CACNB2: variants seen among roughly 807,000 people sequenced by gnomAD.
The protein encoded by CACNB2 is voltage-dependent L-type calcium channel subunit beta-2.
Under a neutral mutation model 73.3 loss-of-function variants are expected in CACNB2, and 42 were observed. The observed-to-expected ratio is 0.57, with a 90% confidence interval of 0.45 to 0.74. The LOEUF (loss-of-function observed/expected upper bound fraction) is 0.74, where lower values mean the gene tolerates loss of function less well. Ranked by LOEUF, CACNB2 falls within the 30% of genes least tolerant of loss-of-function variation. The pLI, the probability that CACNB2 is intolerant of heterozygous loss-of-function variation, is 0.00. For synonymous variants in CACNB2, 348 were observed against 310.3 expected (o/e 1.12, Z -1.28); for missense variants, 940 against 853.0 (o/e 1.10, Z -1.27).
chr10:18,407,109 CTTTTTTTTTTTTT>C (rs71507267), intron 3 of CACNB2, among the ~76,000 whole-genome samples: 17 of 35,574 alleles, frequency 4.8e-4, no homozygotes, highest in East Asian at 8.7e-4. Flanking sequence ...GCTGTTCTGT[CTTTTTTTTTTTTT>C]TTTTTTTTTT....
rs188835526 is a variant in CACNB2 at position 18,251,480 on chromosome 10, C to G, written c.213+100505C>G. On this transcript the variant is annotated intron_variant, in intron 2 of 13. Transcript: ENST00000324631. Reference sequence around the variant, plus strand: ...CCAGGCTGGTCTTGAACTCCTGACCCCAGGTGATCCACCCACCTCGGCCTC... The same window carrying G: ...CCAGGCTGGTCTTGAACTCCTGACCGCAGGTGATCCACCCACCTCGGCCTC... 4.6e-5 allele frequency among the ~76,000 whole-genome samples: 7 copies of G among 152,088 alleles called. No individual in the cohort carries two copies. The East Asian group carries it at 1.4e-3, about 30-fold the overall frequency.
chr10:18,291,971 A>G (rs1234267553), intron 2 of CACNB2, among the ~76,000 whole-genome samples: 3 of 152,198 alleles, frequency 2.0e-5, no homozygotes, highest in Non-Finnish European at 4.4e-5. Flanking sequence ...AATATGAACT[A>G]TAAGACATGT....
intron 3 of CACNB2, among the ~76,000 whole-genome samples, chr10:18,411,424 A>G (rs1248442623): frequency 6.6e-6 from 1 of 152,162 alleles, no homozygotes; most frequent in African/African-American, 2.4e-5. Flanking sequence ...GACAACAGTA[A>G]TAGCACTTAA....
At chr10:18,476,709 C>T (rs1208242566) in intron 3 of CACNB2, among the ~76,000 whole-genome samples, 1 of 152,096 alleles carries the variant, frequency 6.6e-6, no homozygotes, top group Non-Finnish European at 1.5e-5. Flanking sequence ...GGGTTCTAAA[C>T]AGAGGTACTT....
chr10:18,263,596 C>T (rs897281360), intron 2 of CACNB2, among the ~76,000 whole-genome samples: 1 of 152,114 alleles, frequency 6.6e-6, no homozygotes, highest in Non-Finnish European at 1.5e-5. Flanking sequence ...TATACCTTTT[C>T]TTTTTAGTAT....
At chr10:18,337,287 G>A (rs11013698) in intron 2 of CACNB2, among the ~76,000 whole-genome samples, 40,795 of 151,794 alleles carry the variant, frequency 0.27, 5,747 homozygotes, top group Middle Eastern at 0.33. Context: ...GCACCACTAT[G>A]CCTGAGGTCT....
At chr10:18,317,728 T>C (rs566410587) in intron 2 of CACNB2, among the ~76,000 whole-genome samples, 9 of 152,328 alleles carry the variant, frequency 5.9e-5, no homozygotes, top group African/African-American at 1.7e-4. Context: ...TAGAATGATA[T>C]GACCCTAAGG....
chr10:18,456,163 C>T (rs1191916677), intron 3 of CACNB2, among the ~76,000 whole-genome samples: 1 of 152,160 alleles, frequency 6.6e-6, no homozygotes, highest in Non-Finnish European at 1.5e-5. Flanking sequence ...TAATGCCTCT[C>T]CCTTAAGAAA....
At chr10:18,145,429 T>C (rs1294704431) in intron 1 of CACNB2, among the ~76,000 whole-genome samples, 2 of 152,022 alleles carry the variant, frequency 1.3e-5, no homozygotes, top group Non-Finnish European at 2.9e-5. Flanking sequence ...TTTTTTCTAA[T>C]GTGACATGGG....
At chr10:18,272,615 A>G (rs1345826807) in intron 2 of CACNB2, among the ~76,000 whole-genome samples, 2 of 151,722 alleles carry the variant, frequency 1.3e-5, no homozygotes, top group Non-Finnish European at 2.9e-5. Flanking sequence ...ATGGGGGCAG[A>G]TTTTTCTCAT....
chr10:18,368,055 T>C (rs992336814), intron 2 of CACNB2, among the ~76,000 whole-genome samples: 6 of 152,166 alleles, frequency 3.9e-5, no homozygotes, highest in South Asian at 2.1e-4. Flanking sequence ...TTTTGTCATA[T>C]GGCCAGGAGG....
intron 9 of CACNB2, among the ~76,000 whole-genome samples, chr10:18,522,877 C>CAAA (rs10528720): frequency 1.3e-5 from 1 of 77,828 alleles, no homozygotes; most frequent in African/African-American, 5.4e-5. Context: ...GACTCTGTCT[C>CAAA]AAAAAAAAAA....
Position 18,540,261 on chromosome 10 carries a change from C to T in CACNB2, c.*537C>T, listed in dbSNP as rs1051222358. ...AAAGTTAGAATCTATTTTCTATGTA[C>T]TAGTACTGTGTACTGTATAGACAGT... On this transcript the variant is annotated 3_prime_UTR_variant, in exon 14 of 14. Coordinates refer to ENST00000324631, the MANE Select transcript of CACNB2 (RefSeq NM_201596.3). 5.9e-6 allele frequency: 1 copy of T among 168,790 alleles called. No homozygotes were observed. The highest frequency in any genetic ancestry group is 1.3e-5 in the Non-Finnish European group (1 of 77,332). The allele number at this position is 168,790 out of a possible 1,614,324, so 10.5% of individuals were successfully genotyped here. A position where few individuals can be genotyped will look rare whatever the true frequency, so the allele number is the denominator to read the frequency against.
chr10:18,230,324 C>A (rs1240912491), intron 2 of CACNB2, among the ~76,000 whole-genome samples: 1 of 152,196 alleles, frequency 6.6e-6, no homozygotes, highest in Non-Finnish European at 1.5e-5. Context: ...GAAGAATGAA[C>A]CCTCTCTTCT....
chr10:18,253,872 T>C (rs2037180701), intron 2 of CACNB2, among the ~76,000 whole-genome samples: 1 of 152,214 alleles, frequency 6.6e-6, no homozygotes, highest in African/African-American at 2.4e-5. Context: ...ATAAAAGGAA[T>C]CAGGTTTTTG....
intron 2 of CACNB2, among the ~76,000 whole-genome samples, chr10:18,385,004 G>C (rs1298478215): frequency 1.3e-5 from 2 of 152,020 alleles, no homozygotes; most frequent in African/African-American, 4.8e-5. Flanking sequence ...TGCCGGCTGG[G>C]TGCGGTAGAT....
rs536341113 is a variant in CACNB2 at position 18,377,198 on chromosome 10, T to C, written c.214-24726T>C. Among the ~76,000 whole-genome samples, 4 of 152,204 alleles carry C rather than the reference T, an allele frequency of 2.6e-5. No homozygotes were observed. In the South Asian group the frequency reaches 8.3e-4, roughly 32 times the overall value. On this transcript the variant is annotated intron_variant, in intron 2 of 13. Transcript: ENST00000324631. ...TTTAAGTGTAAATAATTTTAATTAGTGGGTATGTGAGAAGGGGAGGAGATT... is the reference window on the plus strand; with the variant it reads ...TTTAAGTGTAAATAATTTTAATTAGCGGGTATGTGAGAAGGGGAGGAGATT...
intron 2 of CACNB2, among the ~76,000 whole-genome samples, chr10:18,264,765 T>C (rs1009776924): frequency 6.6e-6 from 1 of 152,238 alleles, no homozygotes; most frequent in Admixed American, 6.5e-5. Context: ...TAGTGATCCA[T>C]GCTACTGTTG....
intron 2 of CACNB2, among the ~76,000 whole-genome samples, chr10:18,212,940 T>G (rs960041736): frequency 6.6e-6 from 1 of 152,194 alleles, no homozygotes; most frequent in Non-Finnish European, 1.5e-5. Context: ...ATCAAATGTG[T>G]TAGACTTTTT....
Sources: gnomAD v4.1 joint callset for allele counts (sites outside exome capture counted in the v4.1 genomes callset) on GRCh38, gnomAD v4.1.1 for gene constraint, MANE v1.5 for transcripts, NCBI Gene and HGNC (gene_info 2026-07-23, HGNC 2026-07-21) for gene names.